AP5B1: variants seen among roughly 807,000 people sequenced by gnomAD.
AP5B1 encodes the protein AP-5 complex subunit beta-1.
In AP5B1, 3 loss-of-function variants were observed where a neutral mutation model predicts 5.7. The observed-to-expected ratio is 0.53, with a 90% CI of 0.24 to 1.36. The LOEUF is 1.36. Ranked by LOEUF, AP5B1 falls within the 40% of genes most tolerant of loss-of-function variation. The pLI is 0.17. For missense variants in AP5B1, 1,310 were observed against 1,143.2 expected (o/e 1.15, Z -2.10); for synonymous variants, 696 against 555.5 (o/e 1.25, Z -3.56).
chr11:65,780,557 C>A lies in AP5B1; in HGVS notation c.35G>T (p.Arg12Leu), dbSNP rs563812560. The A allele has an allele frequency of 6.7e-7, 1 of 1,500,932 alleles. No individual in the cohort carries two copies. The allele number at this position is 1,500,932 out of a possible 1,614,324, so 93.0% of individuals were successfully genotyped here. A position where few individuals can be genotyped will look rare whatever the true frequency, so the allele number is the denominator to read the frequency against. Residue 12 changes from arginine (R) to leucine (L), a missense_variant, in exon 1 of 2, where the codon CGC (arginine) becomes CTC (leucine). Coordinates refer to ENST00000532090, the MANE Select transcript of AP5B1 (RefSeq NM_138368.5). Reference protein sequence around the residue: ...GPLSRDAWAQRLGAFRASPSA... With the variant: ...GPLSRDAWAQLLGAFRASPSA... ...CGGGCTGGCCCGGAAGGCCCCCAAG[C>A]GCTGGGCCCAGGCGTCCCGGCTCAG...
rs1231276983 is a variant in AP5B1, at chr11:65,778,207, GT to G, written c.2285del (p.Asn762ThrfsTer69). The G allele has an allele frequency of 3.1e-6, 5 of 1,613,232 alleles. No homozygotes were observed. Among genetic ancestry groups the G allele is most frequent in the Non-Finnish European group, 4.2e-6 (5 of 1,179,906 alleles). ...GGAAAGGCAGAAAGAGGTCGGCAAA[GT>G]TCACGAACAGGGGTGGCAAGTGGGC... The part of the protein sequence containing the change: ...CHAHLPPLFV[N>X]FADLFLPFPQ... On this transcript the variant is annotated frameshift_variant, in exon 2 of 2. Transcript: ENST00000532090. LOFTEE classifies it low-confidence loss of function (END_TRUNC).
Position 65,778,324 on chromosome 11 carries a change from AG to A in AP5B1, c.2168del (p.Pro723LeufsTer39). ...ATCGGGGCTGCAGAGGCAGGAGCAG[AG>A]GGCGGGCAGGGCGGCCAGGACACAG... ...PCLCPGRPAR[P>X]LLLPLQPRCP... is the part of the protein sequence containing the mutation. On this transcript the variant is annotated frameshift_variant, in exon 2 of 2. Transcript: ENST00000532090. LOFTEE classifies it low-confidence loss of function (END_TRUNC). The A allele has an allele frequency of 6.2e-7, 1 of 1,612,222 alleles. No individual in the cohort carries two copies. Among genetic ancestry groups the A allele is most frequent in the Non-Finnish European group, 8.5e-7 (1 of 1,179,632 alleles).
rs1465175663 is a variant in AP5B1, at chr11:65,779,899, C to T, written c.594G>A (p.Val198=). 1.3e-6 allele frequency: 2 copies of T among 1,594,032 alleles called. No homozygotes were observed. Among genetic ancestry groups the T allele is most frequent in the South Asian group, 2.3e-5 (2 of 88,796 alleles). ...LLALALRNTL[V]LQSRVGAGLG... is the part of the protein sequence containing the mutation. ...GGCCAGCCCCAACCCGGGACTGGAG[C>T]ACCAAGGTGTTGCGCAAAGCGAGGG... is the stretch of plus-strand genomic sequence containing the variant. The change falls in exon 2 of 2, where the codon GTG becomes GTA. Residue 198 remains valine, a synonymous_variant. Coordinates refer to ENST00000532090, the MANE Select transcript of AP5B1 (RefSeq NM_138368.5).
rs567095164 is a variant in AP5B1, at chr11:65,777,838, C to A, written c.*18G>T. ...CCCACAAGGGCCACAGTCCTGCCCCCACCTGGTCTCCCGGGGCTCAGACAG... is the reference window on the plus strand; with the variant it reads ...CCCACAAGGGCCACAGTCCTGCCCCAACCTGGTCTCCCGGGGCTCAGACAG... On this transcript the variant is annotated 3_prime_UTR_variant, in exon 2 of 2. Coordinates refer to ENST00000532090, the MANE Select transcript of AP5B1 (RefSeq NM_138368.5). 104 of 1,504,174 alleles carry A rather than the reference C, an allele frequency of 6.9e-5. No homozygotes were observed. In the African/African-American group the frequency reaches 1.1e-3, roughly 16 times the overall value. The allele number at this position is 1,504,174 out of a possible 1,614,324, so 93.2% of individuals were successfully genotyped here.
Position 65,774,731 on chromosome 11 carries a change from T to C in AP5B1, c.*3125A>G, listed in dbSNP as rs1437028157. Among the ~76,000 whole-genome samples, 1 of 152,166 alleles carries C rather than the reference T, an allele frequency of 6.6e-6. No individual in the cohort carries two copies. The highest frequency in any genetic ancestry group is 2.4e-5 in the African/African-American group (1 of 41,434). On this transcript the variant is annotated 3_prime_UTR_variant, in exon 2 of 2. Transcript: ENST00000532090. ...GCCCTTGACTCCCTTCACATTTCAT[T>C]AGCCAGAGCTGGGCTTGTGGCCAGA...
chr11:65,780,159 G>A lies in AP5B1; in HGVS notation c.334C>T (p.Pro112Ser), dbSNP rs760008403. Residue 112 changes from proline (P) to serine (S), a missense_variant, in exon 2 of 2, where the codon CCC (proline) becomes TCC (serine). By Grantham distance (74) the Pro-to-Ser change is moderately conservative. Transcript: ENST00000532090. ...AGCCGGCAGGAGGCGCCCGAGGTGG[G>A]GCCCAGCGCGCCGCCCGCCGCCAGG... is the stretch of plus-strand genomic sequence containing the variant. ...TALAAGGALGPTSGASCRLLP... is the reference protein window; with the variant it reads ...TALAAGGALGSTSGASCRLLP... The A allele has an allele frequency of 2.0e-6, 3 of 1,477,180 alleles. No individual in the cohort carries two copies. The highest frequency in any genetic ancestry group is 2.6e-5 in the East Asian group (1 of 37,818). 91.5% of individuals were successfully genotyped at this position (1,477,180 alleles called of 1,614,324 possible).
rs773068260 is a variant in AP5B1, at chr11:65,778,220, G to C, written c.2273C>G (p.Pro758Arg). 8.7e-6 allele frequency: 14 copies of C among 1,613,298 alleles called. No individual in the cohort carries two copies. Among genetic ancestry groups the C allele is most frequent in the Admixed American group, 1.7e-5 (1 of 60,010 alleles). Residue 758 changes from proline to arginine, a missense_variant, in exon 2 of 2, where the codon CCC becomes CGC. Pro to Arg is a moderately radical substitution (Grantham distance 103, BLOSUM62 -2). Coordinates refer to ENST00000532090, the MANE Select transcript of AP5B1 (RefSeq NM_138368.5). ...TGLTCHAHLP[P>R]LFVNFADLFL... ...GAGGTCGGCAAAGTTCACGAACAGG[G>C]GTGGCAAGTGGGCATGGCACGTGAG...
chr11:65,775,608 G>A lies in AP5B1; in HGVS notation c.*2248C>T, dbSNP rs1052669824. ...CCAGGGCCCAAGCCCAGCTTCCTGGGTGCTTACAGGGGATGGCAGGCAGGA... is the reference window on the plus strand; with the variant it reads ...CCAGGGCCCAAGCCCAGCTTCCTGGATGCTTACAGGGGATGGCAGGCAGGA... On this transcript the variant is annotated 3_prime_UTR_variant, in exon 2 of 2. Transcript: ENST00000532090. Among the ~76,000 whole-genome samples the A allele has an allele frequency of 6.6e-6, 1 of 152,152 alleles. No individual in the cohort carries two copies. Among genetic ancestry groups the A allele is most frequent in the Non-Finnish European group, 1.5e-5 (1 of 68,024 alleles).
In AP5B1 at chr11:65,778,544, C is replaced by G; in HGVS notation, c.1949G>C (p.Gly650Ala). ...LASSLVAENQ[G>A]FVAALMVQEA... Reference sequence around the variant, plus strand: ...CTGCACCATCAGTGCTGCCACAAAGCCCTGGTTCTCGGCCACCAGTGAAGA... The same window carrying G: ...CTGCACCATCAGTGCTGCCACAAAGGCCTGGTTCTCGGCCACCAGTGAAGA... Residue 650 changes from glycine to alanine, a missense_variant, in exon 2 of 2, where the codon GGC (glycine) becomes GCC (alanine). By Grantham distance (60) the Gly-to-Ala change is moderately conservative. Transcript: ENST00000532090. The G allele has an allele frequency of 6.3e-7, 1 of 1,579,660 alleles. No individual in the cohort carries two copies. The highest frequency in any genetic ancestry group is 8.6e-7 in the Non-Finnish European group (1 of 1,165,384).
Position 65,778,908 on chromosome 11 carries a change from A to G in AP5B1, c.1585T>C (p.Ser529Pro), listed in dbSNP as rs1312456444. Residue 529 changes from serine (S) to proline (P), a missense_variant, in exon 2 of 2, where the codon TCC becomes CCC. Ser to Pro is a moderately conservative substitution (Grantham distance 74). Transcript: ENST00000532090. ...AGAGCTTCATCCCTGCCCGGCCTGG[A>G]CACCACCACCTGCCGCAACACCACC... ...LKVVLRQVVV[S>P]RPGRDEALCW... 6.2e-7 allele frequency: 1 copy of G among 1,612,074 alleles called. No individual in the cohort carries two copies. The highest frequency in any genetic ancestry group is 8.5e-7 in the Non-Finnish European group (1 of 1,179,520).
chr11:65,778,408 C>T lies in AP5B1; in HGVS notation c.2085G>A (p.Leu695=), dbSNP rs1276707384. The T allele has an allele frequency of 3.8e-6, 6 of 1,590,378 alleles. No individual in the cohort carries two copies. Among genetic ancestry groups the T allele is most frequent in the Non-Finnish European group, 5.1e-6 (6 of 1,171,014 alleles). ...ACAGCTGTCCTTCCACACGGAAGCG[C>T]AGCTCCAGAGAGTAGATGGGCTCCA... ...EALEPIYSLE[L]RFRVEGQLYA... is the part of the protein sequence containing the mutation. Residue 695 remains leucine, a synonymous_variant, in exon 2 of 2, where the codon CTG becomes CTA. Coordinates refer to ENST00000532090, the MANE Select transcript of AP5B1 (RefSeq NM_138368.5).
chr11:65,777,755 C>T lies in AP5B1; in HGVS notation c.*101G>A, dbSNP rs1418775405. 5.2e-6 allele frequency: 7 copies of T among 1,343,568 alleles called. No homozygotes were observed. Among genetic ancestry groups the T allele is most frequent in the African/African-American group, 4.4e-5 (3 of 67,702 alleles). The allele number at this position is 1,343,568 out of a possible 1,614,324, so 83.2% of individuals were successfully genotyped here. On this transcript the variant is annotated 3_prime_UTR_variant, in exon 2 of 2. Coordinates refer to ENST00000532090, the MANE Select transcript of AP5B1 (RefSeq NM_138368.5). ...CGGGGCCCAAAAGAAAACAAGCCAG[C>T]GAGGGCACTGCGGAATGCAGGGTTT...
chr11:65,779,842 TG>T lies in AP5B1; in HGVS notation c.650del (p.Pro217GlnfsTer11), dbSNP rs1374498967. The T allele has an allele frequency of 1.3e-6, 2 of 1,594,960 alleles. No individual in the cohort carries two copies. The highest frequency in any genetic ancestry group is 1.7e-6 in the Non-Finnish European group (2 of 1,170,552). On this transcript the variant is annotated frameshift_variant, in exon 2 of 2. Coordinates refer to ENST00000532090, the MANE Select transcript of AP5B1 (RefSeq NM_138368.5). LOFTEE classifies it low-confidence loss of function (END_TRUNC). ...TCCAATCCCAGGGACCACCCCCAGTTGGGGAGACCTTATCCGTGAGCAGTCC... is the reference window on the plus strand; with the variant it reads ...TCCAATCCCAGGGACCACCCCCAGTTGGGAGACCTTATCCGTGAGCAGTCC... ...LGGLLTDKVS[P>X]TGGGPWDWTL...
At position 65,780,361 on chromosome 11, in the gene AP5B1, G is replaced by A. The variant is rs1175260150; in HGVS notation, c.151-19C>T. The A allele has an allele frequency of 6.1e-6, 9 of 1,464,364 alleles. No homozygotes were observed. The East Asian group carries it at 1.1e-4, about 18-fold the overall frequency. The allele number at this position is 1,464,364 out of a possible 1,614,324, so 90.7% of individuals were successfully genotyped here. On this transcript the variant is annotated intron_variant, in intron 1 of 1. Transcript: ENST00000532090. ...GGGAAACCTGGATGGGGGATTAGGA[G>A]GGAATCACGAAGATGAGGTTCATGA...
rs745647208 is a variant in AP5B1 at position 65,779,383 on chromosome 11, G to C, written c.1110C>G (p.His370Gln). The C allele has an allele frequency of 1.2e-6, 2 of 1,600,636 alleles. No individual in the cohort carries two copies. Among genetic ancestry groups the C allele is most frequent in the African/African-American group, 1.3e-5 (1 of 74,790 alleles). The change falls in exon 2 of 2, where the codon CAC becomes CAG. Residue 370 changes from histidine (H) to glutamine (Q), a missense_variant. By Grantham distance (24) the His-to-Gln change is conservative (BLOSUM62 0). Transcript: ENST00000532090. ...LPPPTHLFYL[H>Q]CVLSFPENWP... ...AGTTCTCAGGGAAGCTCAGGACGCA[G>C]TGAAGGTAAAAGAGATGGGTGGGCG...
chr11:65,779,012 T>G lies in AP5B1; in HGVS notation c.1481A>C (p.Tyr494Ser). The G allele has an allele frequency of 1.2e-6, 2 of 1,610,214 alleles. No homozygotes were observed. Among genetic ancestry groups the G allele is most frequent in the Non-Finnish European group, 1.7e-6 (2 of 1,178,556 alleles). The change falls in exon 2 of 2, where the codon TAC (tyrosine) becomes TCC (serine). Residue 494 changes from tyrosine to serine, a missense_variant. Coordinates refer to ENST00000532090, the MANE Select transcript of AP5B1 (RefSeq NM_138368.5). ...TPLIHGLAQL[Y>S]QARPMLAPHF... is the part of the protein sequence containing the mutation. The stretch of plus-strand genomic sequence containing the variant: ...GGGAGCCAGCATGGGCCGGGCTTGG[T>G]ACAGCTGGGCCAGTCCGTGGATCAA...
At position 65,774,107 on chromosome 11, in the gene AP5B1, G is replaced by C. The variant is rs1245555884; in HGVS notation, c.*3749C>G. 1.3e-5 allele frequency among the ~76,000 whole-genome samples: 2 copies of C among 152,148 alleles called. No homozygotes were observed. The highest frequency in any genetic ancestry group is 2.9e-5 in the Non-Finnish European group (2 of 68,024). On this transcript the variant is annotated 3_prime_UTR_variant, in exon 2 of 2. Coordinates refer to ENST00000532090, the MANE Select transcript of AP5B1 (RefSeq NM_138368.5). ...CTGTGTCTAAACCATAAAGGGATGGGGTATAACAAGTTGCATCTGACCTCC... is the reference window on the plus strand; with the variant it reads ...CTGTGTCTAAACCATAAAGGGATGGCGTATAACAAGTTGCATCTGACCTCC...
In AP5B1 at chr11:65,779,148, G is replaced by T. The variant is rs368800811; in HGVS notation, c.1345C>A (p.Arg449=). The change falls in exon 2 of 2, where the codon CGG becomes AGG. Residue 449 remains arginine, a synonymous_variant. Coordinates refer to ENST00000532090, the MANE Select transcript of AP5B1 (RefSeq NM_138368.5). ...HYLEELLAGL[R]QRAALDGGPR... ...CCCCCATCCAGGGCTGCCCGCTGCC[G>T]CAAGCCAGCCAGCAGCTCTTCCAGG... 6.2e-7 allele frequency: 1 copy of T among 1,610,104 alleles called. No homozygotes were observed. The highest frequency in any genetic ancestry group is 1.3e-5 in the African/African-American group (1 of 74,904).
At position 65,777,893 on chromosome 11, in the gene AP5B1, G is replaced by A. The variant is rs375436485; in HGVS notation, c.2600C>T (p.Ala867Val). Residue 867 changes from alanine to valine, a missense_variant, in exon 2 of 2, where the codon GCG (alanine) becomes GTG (valine). By Grantham distance (64) the Ala-to-Val change is moderately conservative. Transcript: ENST00000532090. ...RTDDWAVLPL[A>V]GDYLRGLAAA... is the part of the protein sequence containing the mutation. ...CGCCAGCCCACGGAGGTAGTCCCCC[G>A]CCAGGGGCAGCACGGCCCAGTCATC... 8.3e-5 allele frequency: 128 copies of A among 1,545,186 alleles called. No individual in the cohort carries two copies. In the Middle Eastern group the frequency reaches 1.6e-3, roughly 19 times the overall value.
Sources: allele counts gnomAD v4.1 joint callset (sites outside exome capture counted in the v4.1 genomes callset), GRCh38; gene constraint gnomAD v4.1.1; transcripts MANE v1.5; gene names NCBI Gene and HGNC (gene_info 2026-07-23, HGNC 2026-07-21).